The following NHS variants were observed in gnomAD, a reference collection of about 807,000 sequenced individuals.
The protein encoded by NHS is actin remodeling regulator NHS.
NHS carries 5 observed loss-of-function variants against 72.5 expected under a neutral mutation model. That is an observed-to-expected ratio of 0.07 (90% CI 0.04 to 0.14). The LOEUF (loss-of-function observed/expected upper bound fraction) is 0.14, where lower values mean the gene tolerates loss of function less well. NHS is among the 10% of genes least tolerant of loss of function. NHS has a pLI of 1.00. For synonymous variants in NHS, 464 were observed against 547.7 expected (o/e 0.85, Z 2.13); for missense variants, 1,072 against 1,355.7 (o/e 0.79, Z 3.29).
chrX:17,711,965 T>G (rs1172270133), intron 3 of NHS, among the ~76,000 whole-genome samples: 1 of 109,063 alleles, frequency 9.2e-6, no homozygotes, highest in Non-Finnish European at 1.9e-5. Flanking sequence ...GTGCAAGTTT[T>G]TTGTGGACAT....
intron 1 of NHS, among the ~76,000 whole-genome samples, chrX:17,463,325 T>TG (rs1314598332): frequency 8.3e-5 from 9 of 108,754 alleles, no homozygotes; most frequent in Non-Finnish European, 1.3e-4. Context: ...GGGGATTTGC[T>TG]GGGGGGGAGG....
At chrX:17,631,856 C>T in intron 1 of NHS, among the ~76,000 whole-genome samples, 1 of 112,001 alleles carries the variant, frequency 8.9e-6, no homozygotes, top group Middle Eastern at 4.6e-3. Context: ...TAATGAGGTA[C>T]CGAGGCTTCT....
At chrX:17,453,295 C>A (rs190596625) in intron 1 of NHS, among the ~76,000 whole-genome samples, 17 of 111,595 alleles carry the variant, frequency 1.5e-4, no homozygotes, top group Non-Finnish European at 2.8e-4. Flanking sequence ...CCCAAAGGAC[C>A]TGTGCATAGA....
intron 1 of NHS, among the ~76,000 whole-genome samples, chrX:17,670,575 A>G (rs2066038525): frequency 8.9e-6 from 1 of 112,497 alleles, no homozygotes; most frequent in Admixed American, 9.4e-5. Context: ...AGTGTAATGA[A>G]ATAATTAATG....
intron 1 of NHS, among the ~76,000 whole-genome samples, chrX:17,666,674 A>G (rs781098853): frequency 8.1e-5 from 9 of 111,272 alleles, no homozygotes; most frequent in Non-Finnish European, 1.3e-4. Context: ...GAATGAATGA[A>G]TGAGCAGGCA....
At chrX:17,532,226 G>T (rs1051991595) in intron 1 of NHS, among the ~76,000 whole-genome samples, 3 of 111,860 alleles carry the variant, frequency 2.7e-5, no homozygotes, top group Admixed American at 9.4e-5. Context: ...AGCATGAATT[G>T]GCCCTCGAGG....
intron 1 of NHS, among the ~76,000 whole-genome samples, chrX:17,578,783 A>C (rs1442265943): frequency 8.9e-6 from 1 of 112,351 alleles, no homozygotes; most frequent in East Asian, 2.8e-4. Flanking sequence ...CAAACAAAGA[A>C]AAACCTGTTT....
intron 1 of NHS, among the ~76,000 whole-genome samples, chrX:17,512,184 A>G (rs2065092305): frequency 8.9e-6 from 1 of 111,975 alleles, no homozygotes; most frequent in Non-Finnish European, 1.9e-5. Context: ...GAGTTTCTAG[A>G]AAATCACCAT....
chrX:17,426,948 CT>C (rs937862350), intron 1 of NHS, among the ~76,000 whole-genome samples: 1 of 111,661 alleles, frequency 9.0e-6, no homozygotes, highest in Non-Finnish European at 1.9e-5. Context: ...ATTGACTTGT[CT>C]TTTAATCAGA....
intron 1 of NHS, among the ~76,000 whole-genome samples, chrX:17,587,947 C>CTTTT (rs1289906410): frequency 1.8e-5 from 2 of 112,307 alleles, no homozygotes; most frequent in Non-Finnish European, 1.9e-5. Context: ...TCAGAGACTA[C>CTTTT]AGCGGGATGG....
chrX:17,409,341 G>T (rs893411755), intron 1 of NHS, among the ~76,000 whole-genome samples: 1 of 109,147 alleles, frequency 9.2e-6, no homozygotes, highest in African/African-American at 3.3e-5. Flanking sequence ...TTGAACATAG[G>T]TTTACTGTGC....
intron 1 of NHS, among the ~76,000 whole-genome samples, chrX:17,551,004 A>G (rs1247820379): frequency 9.0e-6 from 1 of 111,219 alleles, no homozygotes; most frequent in African/African-American, 3.3e-5. Flanking sequence ...CTCTGCCTGG[A>G]ACAGTCTTTC....
intron 1 of NHS, among the ~76,000 whole-genome samples, chrX:17,593,197 C>G (rs2065610697): frequency 9.0e-6 from 1 of 111,429 alleles, no homozygotes; most frequent in African/African-American, 3.3e-5. Flanking sequence ...CACTTAACCT[C>G]TCTGATGTCA....
At chrX:17,596,638 T>C (rs754116187) in intron 1 of NHS, among the ~76,000 whole-genome samples, 28 of 111,732 alleles carry the variant, frequency 2.5e-4, no homozygotes, top group Admixed American at 1.3e-3. Context: ...CAGGGAACCA[T>C]TGGGAGAGAG....
chrX:17,381,057 C>G (rs750721261), intron 1 of NHS, among the ~76,000 whole-genome samples: 2 of 110,711 alleles, frequency 1.8e-5, no homozygotes, highest in South Asian at 3.9e-4. Context: ...AATAAGTTGT[C>G]TCAGGGAGGG....
chrX:17,439,269 AT>A (rs1301497317), intron 1 of NHS, among the ~76,000 whole-genome samples: 1 of 111,215 alleles, frequency 9.0e-6, no homozygotes, highest in Admixed American at 9.6e-5. Flanking sequence ...CCATGGAGGA[AT>A]TTTTTTAACT....
intron 1 of NHS, among the ~76,000 whole-genome samples, chrX:17,424,545 G>A (rs1368693669): frequency 8.9e-6 from 1 of 111,871 alleles, no homozygotes; most frequent in Non-Finnish European, 1.9e-5. Context: ...CTCTTGCCCC[G>A]GTGGCTTCTT....
chrX:17,442,422 ACACAT>A (rs1265965728), intron 1 of NHS, among the ~76,000 whole-genome samples: 2 of 112,290 alleles, frequency 1.8e-5, no homozygotes, highest in African/African-American at 3.2e-5. Flanking sequence ...TAAAGGAGAA[ACACAT>A]CACTTCTGCC....
chrX:17,405,417 A>G (rs1426866244), intron 1 of NHS, among the ~76,000 whole-genome samples: 2 of 111,734 alleles, frequency 1.8e-5, no homozygotes, highest in East Asian at 5.6e-4. Context: ...TGAATGAGTG[A>G]ACTTTGGATT....
Sources: allele counts gnomAD v4.1 joint callset (sites outside exome capture counted in the v4.1 genomes callset), GRCh38; gene constraint gnomAD v4.1.1; transcripts MANE v1.5; gene names NCBI Gene and HGNC (gene_info 2026-07-23, HGNC 2026-07-21).